Variants in TMPRSS9 observed in about 807,000 individuals in gnomAD.
The protein encoded by TMPRSS9 is transmembrane protease serine 9.
A neutral mutation model predicts 111.4 loss-of-function variants in TMPRSS9; 113 were observed. The observed-to-expected ratio is 1.01, with a 90% CI of 0.87 to 1.19. TMPRSS9 has a LOEUF of 1.19. Among genes scored for constraint, TMPRSS9 ranks in the 50% most tolerant of loss-of-function variants. TMPRSS9 has a pLI of 0.00. For synonymous variants in TMPRSS9, 805 were observed against 659.1 expected (o/e 1.22, Z -3.39); for missense variants, 1,803 against 1,513.1 (o/e 1.19, Z -3.18).
At position 2,405,904 on chromosome 19, in the gene TMPRSS9, G is replaced by C. The variant is rs1448847484; in HGVS notation, c.842+359G>C. Among the ~76,000 whole-genome samples the C allele has an allele frequency of 3.3e-5, 5 of 150,844 alleles. No homozygotes were observed. In the East Asian group the frequency reaches 7.8e-4, roughly 24 times the overall value. On this transcript the variant is annotated intron_variant, in intron 7 of 17. Transcript: ENST00000648592. Reference sequence around the variant, plus strand: ...GTAGAGACGGGGTTTCACCGTGTTAGCCAGGATGGTCTCAATCTCCTGACC... The same window carrying C: ...GTAGAGACGGGGTTTCACCGTGTTACCCAGGATGGTCTCAATCTCCTGACC...
intron 17 of TMPRSS9, 77 bp from the exon 19 acceptor site, chr19:2,425,850 C>T (rs1473513557): frequency 4.7e-6 from 7 of 1,501,036 alleles, no homozygotes; most frequent in Non-Finnish European, 6.2e-6. Context: ...AGGGTCACTC[C>T]TAGAGGGGCC....
In TMPRSS9 at chr19:2,374,559, C is replaced by T. The variant is rs1027487141; in HGVS notation, c.-26+14199C>T. Among the ~76,000 whole-genome samples, 13 of 151,662 alleles carry T rather than the reference C, an allele frequency of 8.6e-5. No homozygotes were observed. The East Asian group carries it at 9.7e-4, about 11-fold the overall frequency. On this transcript the variant is annotated intron_variant, in intron 1 of 17. Transcript: ENST00000649857. Reference sequence around the variant, plus strand: ...ACTGCACTCCAGCCTGGAGACAGAGCGAGACTCCGTCTCAAAAAAAGAAAA... The same window carrying T: ...ACTGCACTCCAGCCTGGAGACAGAGTGAGACTCCGTCTCAAAAAAAGAAAA...
At chr19:2,379,609 T>C (rs910684007) in intron 1 of TMPRSS9, among the ~76,000 whole-genome samples, 9 of 137,426 alleles carry the variant, frequency 6.5e-5, no homozygotes, top group African/African-American at 2.0e-4. Context: ...TAAACTAACT[T>C]TCTTTCTCTT....
chr19:2,363,906 G>T (rs554044930), intron 1 of TMPRSS9, among the ~76,000 whole-genome samples: 1 of 151,896 alleles, frequency 6.6e-6, no homozygotes, highest in Non-Finnish European at 1.5e-5. Context: ...CTGTAAATGG[G>T]CATGCTGATA....
At chr19:2,398,388 G>A (rs1468134247) in intron 2 of TMPRSS9, among the ~76,000 whole-genome samples, 1 of 151,724 alleles carries the variant, frequency 6.6e-6, no homozygotes, top group African/African-American at 2.4e-5. Context: ...GAAAACCAAG[G>A]CAGGTGGATC....
intron 1 of TMPRSS9, among the ~76,000 whole-genome samples, chr19:2,368,842 T>A (rs1332313972): frequency 7.2e-6 from 1 of 138,746 alleles, no homozygotes; most frequent in African/African-American, 2.7e-5. Flanking sequence ...TGGAGCACAG[T>A]GGCGCAATCT....
chr19:2,415,979 A>G (rs1971222555), intron 11 of TMPRSS9, 138 bp downstream of exon 12: 3 of 1,071,944 alleles, frequency 2.8e-6, no homozygotes, highest in Non-Finnish European at 3.8e-6. Flanking sequence ...CAGCTGAGAG[A>G]CAGGAGGGAG....
Position 2,416,681 on chromosome 19 carries a change from T to C in TMPRSS9, c.1889T>C (p.Leu630Pro), listed in dbSNP as rs143308105. The change falls in exon 12 of 18, where the codon CTG (leucine) becomes CCG (proline). Residue 630 changes from leucine (L) to proline (P), a missense_variant. By Grantham distance (98) the Leu-to-Pro change is moderately conservative (BLOSUM62 -3). Transcript: ENST00000648592. ...ATCCTGGACTTCGACCTGGCTGTCC[T>C]GGAGCTGGCCAGCCCCCTGGCCTTC... 8 of 1,613,016 alleles carry C rather than the reference T, an allele frequency of 5.0e-6. No homozygotes were observed. In the African/African-American group the frequency reaches 9.3e-5, roughly 19 times the overall value.
intron 1 of TMPRSS9, among the ~76,000 whole-genome samples, chr19:2,379,611 C>CTT (rs1970365501): frequency 7.3e-6 from 1 of 136,656 alleles, no homozygotes; most frequent in East Asian, 2.1e-4. Flanking sequence ...AACTAACTTT[C>CTT]TTTCTCTTTC....
At chr19:2,412,273 G>T (rs992274415) in intron 9 of TMPRSS9, among the ~76,000 whole-genome samples, 1 of 152,068 alleles carries the variant, frequency 6.6e-6, no homozygotes, top group Non-Finnish European at 1.5e-5. Context: ...GTTTGGTGGT[G>T]CATGCCTGTA....
chr19:2,399,582 C>G (rs548922002), intron 4 of TMPRSS9, among the ~76,000 whole-genome samples: 16 of 102,262 alleles, frequency 1.6e-4, no homozygotes, highest in South Asian at 6.3e-4. Context: ...GTTTCAAAAA[C>G]AAACAAACAA....
chr19:2,395,620 C>T (rs1478398287), intron 1 of TMPRSS9, among the ~76,000 whole-genome samples: 1 of 151,946 alleles, frequency 6.6e-6, no homozygotes, highest in African/African-American at 2.4e-5. Flanking sequence ...GCTGAGGCGG[C>T]AGGAGAATTG....
At chr19:2,374,742 C>T (rs1334088014) in intron 1 of TMPRSS9, among the ~76,000 whole-genome samples, 1 of 152,040 alleles carries the variant, frequency 6.6e-6, no homozygotes, top group Non-Finnish European at 1.5e-5. Context: ...GGCTCTGGCC[C>T]CTTACCCACG....
In TMPRSS9 at chr19:2,402,047, T is replaced by C; in HGVS notation, c.556+31T>C. ...TTTTTCTCTCTGGCCTTTTCTCTGA[T>C]TGCAGTTACTGACAGAGGTTTCCTA... On this transcript the variant is annotated intron_variant, in intron 5 of 17. Coordinates refer to ENST00000648592, the Ensembl canonical transcript of TMPRSS9. 4 of 1,604,744 alleles carry C rather than the reference T, an allele frequency of 2.5e-6. No individual in the cohort carries two copies. In the South Asian group the frequency reaches 4.4e-5, roughly 18 times the overall value.
intron 9 of TMPRSS9, among the ~76,000 whole-genome samples, chr19:2,411,291 C>A: frequency 1.6e-5 from 1 of 61,554 alleles, no homozygotes; most frequent in South Asian, 7.6e-4. Flanking sequence ...CAAAGCAAGA[C>A]TCTGTCTCAA....
chr19:2,374,243 A>T (rs1970312242), intron 1 of TMPRSS9, among the ~76,000 whole-genome samples: 1 of 133,100 alleles, frequency 7.5e-6, no homozygotes, highest in Admixed American at 8.2e-5. Flanking sequence ...ATTTCTCTCA[A>T]CAATCTTTTT....
At chr19:2,389,235 G>A (rs1652622197), upstream of TMPRSS9, among the ~76,000 whole-genome samples, 1 of 149,606 alleles carries the variant, frequency 6.7e-6, no homozygotes, top group Non-Finnish European at 1.5e-5. Context: ...CACCACGCCT[G>A]ACTAATTTTT....
At chr19:2,400,411 A>G (rs760655139) in intron 4 of TMPRSS9, among the ~76,000 whole-genome samples, 42 of 151,960 alleles carry the variant, frequency 2.8e-4, no homozygotes, top group Non-Finnish European at 4.9e-4. Context: ...GTGTGGTGGC[A>G]CGTGCCTGTA....
At chr19:2,425,479 G>C (rs1040858654) in exon 17 of TMPRSS9, 30 of 1,587,274 alleles carry the variant, frequency 1.9e-5, no homozygotes, top group Admixed American at 3.4e-5. Context: ...GCAGGGTGGC[G>C]TGGACAGCTG....
Sources: allele counts gnomAD v4.1 joint callset (sites outside exome capture counted in the v4.1 genomes callset), GRCh38; gene constraint gnomAD v4.1.1; transcripts MANE v1.5; gene names NCBI Gene and HGNC (gene_info 2026-07-23, HGNC 2026-07-21).